SEC14L5: variants seen among roughly 807,000 people sequenced by gnomAD.
SEC14L5 encodes the protein SEC14-like protein 5.
Under a neutral mutation model 84.6 loss-of-function variants are expected in SEC14L5, and 96 were observed. That is an observed-to-expected ratio of 1.13 (90% CI 0.96 to 1.34). The LOEUF (loss-of-function observed/expected upper bound fraction) is 1.34, where lower values mean the gene tolerates loss of function less well. SEC14L5 is among the 40% of genes most tolerant of loss of function. SEC14L5 has a pLI of 0.00. For missense variants in SEC14L5, 1,224 were observed against 942.5 expected, an observed-to-expected ratio of 1.30 and a Z score of -3.91; for synonymous variants, 546 against 383.4, an observed-to-expected ratio of 1.42 and a Z score of -4.95.
intron 8 of SEC14L5, 51 bp from the exon 9 acceptor site, chr16:5,000,604 G>T (rs1803811744): frequency 1.4e-6 from 2 of 1,394,022 alleles, no homozygotes; most frequent in Non-Finnish European, 2.0e-6. Context: ...CCCCTCGGAA[G>T]CAGTCCTCTA....
In SEC14L5 at chr16:5,008,627, C is replaced by T. The variant is rs1258820794; in HGVS notation, c.1779C>T (p.Cys593=). The T allele has an allele frequency of 6.2e-7, 1 of 1,605,912 alleles. No individual in the cohort carries two copies. The highest frequency in any genetic ancestry group is 1.1e-5 in the South Asian group (1 of 89,754). Residue 593 remains cysteine, a synonymous_variant, in exon 14 of 16, where the codon TGC becomes TGT. Transcript: ENST00000251170. ...GCCGTGTGGAGGCTCCCCTTGTCTG[C>T]CGGGAGGGGGAGAGCATCCAGGTTT... is the stretch of plus-strand genomic sequence containing the variant. ...DYSRVEAPLV[C]REGESIQGSH...
rs1174107096 is a variant in SEC14L5 at position 5,017,932 on chromosome 16, A to T, written c.*2962A>T. The T allele has an allele frequency of 1.3e-5, 2 of 152,228 alleles. No individual in the cohort carries two copies. The highest frequency in any genetic ancestry group is 3.8e-4 in the East Asian group (2 of 5,200). 9.4% of individuals were successfully genotyped at this position (152,228 alleles called of 1,614,324 possible). A position where few individuals can be genotyped will look rare whatever the true frequency, so the allele number is the denominator to read the frequency against. ...CTTGGCTTGGGCTTCTTGCATCATT[A>T]GTTCATTAATCCATTGTGACCAGGA... On this transcript the variant is annotated 3_prime_UTR_variant, in exon 16 of 16. Transcript: ENST00000251170.
intron 2 of SEC14L5, among the ~76,000 whole-genome samples, chr16:4,979,000 G>C (rs1027521652): frequency 6.6e-6 from 1 of 152,170 alleles, no homozygotes; most frequent in Non-Finnish European, 1.5e-5. Context: ...TTACAGGTGT[G>C]AGCCACTTCA....
Position 5,007,384 on chromosome 16 carries a change from G to A in SEC14L5, c.1470G>A (p.Lys490=), listed in dbSNP as rs746305278. The change falls in exon 13 of 16, where the codon AAG becomes AAA. Residue 490 remains lysine (K), a synonymous_variant. Coordinates refer to ENST00000251170, the MANE Select transcript of SEC14L5 (RefSeq NM_014692.2). ...CNVPEGGLVP[K]SLYMTEEEQE... ...TCCCCGAAGGAGGGCTGGTCCCCAA[G>A]TCCCTCTACATGACAGAAGAGGAGC... 3.7e-6 allele frequency: 6 copies of A among 1,613,826 alleles called. No homozygotes were observed. In the East Asian group the frequency reaches 1.3e-4, roughly 36 times the overall value.
chr16:5,002,886 A>G (rs937468527), intron 10 of SEC14L5, among the ~76,000 whole-genome samples: 2 of 152,202 alleles, frequency 1.3e-5, no homozygotes, highest in Non-Finnish European at 2.9e-5. Context: ...CTTTTCAACA[A>G]TTAACTCATT....
intron 4 of SEC14L5, among the ~76,000 whole-genome samples, chr16:4,989,245 G>C (rs1277710878): frequency 2.0e-5 from 3 of 152,028 alleles, no homozygotes; most frequent in Non-Finnish European, 4.4e-5. Flanking sequence ...CTGCCTTGCT[G>C]GATCGTTTTC....
At chr16:4,997,436 C>A (rs960998031) in intron 8 of SEC14L5, among the ~76,000 whole-genome samples, 1 of 152,160 alleles carries the variant, frequency 6.6e-6, no homozygotes, top group African/African-American at 2.4e-5. Flanking sequence ...ATGCTAACAT[C>A]TTACTATTTT....
chr16:4,986,929 G>A (rs367564971), intron 2 of SEC14L5, among the ~76,000 whole-genome samples: 20 of 152,224 alleles, frequency 1.3e-4, no homozygotes, highest in Admixed American at 6.5e-4. Flanking sequence ...TTGTGTGTAC[G>A]TGTGTGGATG....
intron 15 of SEC14L5, among the ~76,000 whole-genome samples, chr16:5,011,673 A>G (rs1467484449): frequency 2.0e-5 from 3 of 152,148 alleles, no homozygotes; most frequent in African/African-American, 7.2e-5. Context: ...TTTCAGAGAG[A>G]CAGGGAACTG....
At chr16:4,999,831 C>G (rs867108318) in intron 8 of SEC14L5, among the ~76,000 whole-genome samples, 2 of 151,744 alleles carry the variant, frequency 1.3e-5, no homozygotes, top group Non-Finnish European at 2.9e-5. Flanking sequence ...GTGAGAATCG[C>G]TTGAACCTGG....
rs917723939 is a variant in SEC14L5 at position 5,016,467 on chromosome 16, C to T, written c.*1497C>T. Reference sequence around the variant, plus strand: ...CAGCAGAATGGGGTCACTATTGTTGCATGAAGACAACACCTCTGCACCCCT... The same window carrying T: ...CAGCAGAATGGGGTCACTATTGTTGTATGAAGACAACACCTCTGCACCCCT... On this transcript the variant is annotated 3_prime_UTR_variant, in exon 16 of 16. Transcript: ENST00000251170. 1 of 152,240 alleles carries T rather than the reference C, an allele frequency of 6.6e-6. No homozygotes were observed. The highest frequency in any genetic ancestry group is 2.4e-5 in the African/African-American group (1 of 41,432). The allele number at this position is 152,240 out of a possible 1,614,324, so 9.4% of individuals were successfully genotyped here. A position where few individuals can be genotyped will look rare whatever the true frequency, so the allele number is the denominator to read the frequency against.
chr16:4,964,461 T>C (rs8052449), intron 2 of SEC14L5, among the ~76,000 whole-genome samples: 88,554 of 151,710 alleles, frequency 0.58, 26,977 homozygotes, highest in East Asian at 0.79. Context: ...TGGTGCATGC[T>C]TGTAATCCCA....
intron 15 of SEC14L5, among the ~76,000 whole-genome samples, chr16:5,014,188 A>G (rs1381155478): frequency 6.6e-6 from 1 of 152,248 alleles, no homozygotes; most frequent in Non-Finnish European, 1.5e-5. Flanking sequence ...ATTTCAAGTG[A>G]TGAGCAGCCC....
chr16:5,008,728 C>A, intron 14 of SEC14L5, 80 bp downstream of exon 14: 1 of 1,277,516 alleles, frequency 7.8e-7, no homozygotes, highest in Non-Finnish European at 1.1e-6. Context: ...GGGGATACAG[C>A]GGAGGACATA....
intron 12 of SEC14L5, among the ~76,000 whole-genome samples, chr16:5,006,610 C>A (rs747160271): frequency 6.6e-6 from 1 of 152,138 alleles, no homozygotes; most frequent in Non-Finnish European, 1.5e-5. Flanking sequence ...CCCAGTGGCC[C>A]GGGCCCTCTT....
At chr16:4,980,013 C>T (rs536631100) in intron 2 of SEC14L5, among the ~76,000 whole-genome samples, 3 of 152,200 alleles carry the variant, frequency 2.0e-5, no homozygotes, top group Non-Finnish European at 4.4e-5. Flanking sequence ...CACAGTGATT[C>T]AGGGTTGTCG....
chr16:5,002,174 C>A (rs1419802726), intron 10 of SEC14L5, among the ~76,000 whole-genome samples: 1 of 152,180 alleles, frequency 6.6e-6, no homozygotes, highest in Non-Finnish European at 1.5e-5. Context: ...TTCTAAGCAC[C>A]TTGATTCATT....
intron 14 of SEC14L5, among the ~76,000 whole-genome samples, chr16:5,010,357 C>T (rs1955785467): frequency 2.0e-5 from 3 of 151,548 alleles, no homozygotes; most frequent in African/African-American, 7.3e-5. Context: ...GAGTGAAACT[C>T]CGTCTCAGAA....
intron 2 of SEC14L5, among the ~76,000 whole-genome samples, chr16:4,970,466 T>C (rs1400140787): frequency 6.6e-6 from 1 of 152,142 alleles, no homozygotes; most frequent in East Asian, 1.9e-4. Flanking sequence ...AGCAGAGACG[T>C]TGGAGGTCTG....
Sources: allele counts gnomAD v4.1 joint callset (sites outside exome capture counted in the v4.1 genomes callset), GRCh38; gene constraint gnomAD v4.1.1; transcripts MANE v1.5; gene names NCBI Gene and HGNC (gene_info 2026-07-23, HGNC 2026-07-21).